Variants in CSMD1 observed in about 807,000 individuals in gnomAD.
CSMD1 encodes CUB and sushi domain-containing protein 1.
A neutral mutation model predicts 417.5 loss-of-function variants in CSMD1; 213 were observed. That is an observed-to-expected ratio of 0.51 (90% CI 0.46 to 0.57). CSMD1 has a LOEUF of 0.57. Ranked by LOEUF, CSMD1 falls within the 20% of genes least tolerant of loss-of-function variation. The pLI, the probability that CSMD1 is intolerant of heterozygous loss-of-function variation, is 0.00. For missense variants in CSMD1, 6,923 were observed against 4,529.7 expected, an observed-to-expected ratio of 1.53 and a Z score of -15.17; for synonymous variants, 2,862 against 1,736.8, an observed-to-expected ratio of 1.65 and a Z score of -16.11.
rs142584549 is a variant in CSMD1 at position 3,619,333 on chromosome 8, G to A, written c.1010-2536C>T. On this transcript the variant is annotated intron_variant, in intron 7 of 69. Transcript: ENST00000635120. Reference sequence around the variant, plus strand: ...CACTAATTAGTGAACATTTTCTACCGTGTTCTGCAAACATGGAGCACGGTA... The same window carrying A: ...CACTAATTAGTGAACATTTTCTACCATGTTCTGCAAACATGGAGCACGGTA... Among the ~76,000 whole-genome samples the A allele has an allele frequency of 5.7e-3, 872 of 152,046 alleles. 9 individuals carry two copies. The highest frequency in any genetic ancestry group is 0.048 in the Middle Eastern group (14 of 292).
At position 2,937,562 on chromosome 8, in the gene CSMD1, T is replaced by C. The variant is rs1228387746; in HGVS notation, c.*1023A>G. 6.6e-6 allele frequency: 1 copy of C among 152,068 alleles called. No homozygotes were observed. The highest frequency in any genetic ancestry group is 1.5e-5 in the Non-Finnish European group (1 of 68,026). 9.4% of individuals were successfully genotyped at this position (152,068 alleles called of 1,614,324 possible). ...CACAGTTTTACATGGCAAACAGAAA[T>C]TTCTGCAAACCCCCTGCTATTAAGT... On this transcript the variant is annotated 3_prime_UTR_variant, in exon 70 of 70. Coordinates refer to ENST00000635120, the MANE Select transcript of CSMD1 (RefSeq NM_033225.6).
rs563284620 is a variant in CSMD1, at chr8:4,481,844, C to A, written c.303-61779G>T. Among the ~76,000 whole-genome samples the A allele has an allele frequency of 2.6e-5, 4 of 152,266 alleles. No individual in the cohort carries two copies. In the East Asian group the frequency reaches 5.8e-4, roughly 22 times the overall value. On this transcript the variant is annotated intron_variant, in intron 2 of 69. Coordinates refer to ENST00000635120, the MANE Select transcript of CSMD1 (RefSeq NM_033225.6). Reference sequence around the variant, plus strand: ...ATAATCCCAGGAGGTAGGTACTCCACCTACTTCTATTTTAGAAGTCAGGAA... The same window carrying A: ...ATAATCCCAGGAGGTAGGTACTCCAACTACTTCTATTTTAGAAGTCAGGAA...
chr8:3,327,327 G>T lies in CSMD1; in HGVS notation c.3631+15967C>A, dbSNP rs569154396. On this transcript the variant is annotated intron_variant, in intron 23 of 69. Coordinates refer to ENST00000635120, the MANE Select transcript of CSMD1 (RefSeq NM_033225.6). ...CTGGCTAATTTTTTGTAGAGATGGG[G>T]TTTCACCATGTTAACCAGGATGGTC... 1.8e-3 allele frequency among the ~76,000 whole-genome samples: 274 copies of T among 152,058 alleles called. 1 individual carries two copies. Among genetic ancestry groups the T allele is most frequent in the Non-Finnish European group, 2.9e-3 (198 of 68,008 alleles).
At chr8:3,133,094 C>T (rs142757765) in intron 41 of CSMD1, among the ~76,000 whole-genome samples, 55 of 152,344 alleles carry the variant, frequency 3.6e-4, no homozygotes, top group African/African-American at 1.3e-3. Context: ...AGCCTGCATC[C>T]TTCCCCAGGC....
At chr8:3,806,786 C>G (rs1239556414) in intron 5 of CSMD1, among the ~76,000 whole-genome samples, 1 of 152,138 alleles carries the variant, frequency 6.6e-6, no homozygotes, top group Non-Finnish European at 1.5e-5. Context: ...GTTTTAGCTA[C>G]TAAATACTAG....
At chr8:3,420,843 G>A (rs188681390) in intron 12 of CSMD1, among the ~76,000 whole-genome samples, 21 of 152,042 alleles carry the variant, frequency 1.4e-4, no homozygotes, top group Admixed American at 7.2e-4. Context: ...ACTTGTTCAC[G>A]CTCCAATATA....
rs2130339429 is a variant in CSMD1 at position 3,997,899 on chromosome 8, T to C, written c.818+4A>G. 1 of 1,610,592 alleles carries C rather than the reference T, an allele frequency of 6.2e-7. No individual in the cohort carries two copies. Among genetic ancestry groups the C allele is most frequent in the East Asian group, 2.2e-5 (1 of 44,786 alleles). Reference sequence around the variant, plus strand: ...CCTTTGTGGCATCTCTTCCCGGGACTTACCATATGGATGGAGCTTCCGTGC... The same window carrying C: ...CCTTTGTGGCATCTCTTCCCGGGACCTACCATATGGATGGAGCTTCCGTGC... On this transcript the variant is annotated splice_donor_region_variant and intron_variant, in intron 5 of 69. Coordinates refer to ENST00000635120, the MANE Select transcript of CSMD1 (RefSeq NM_033225.6).
chr8:3,780,179 T>C (rs1799101457), intron 5 of CSMD1, among the ~76,000 whole-genome samples: 1 of 152,152 alleles, frequency 6.6e-6, no homozygotes, highest in African/African-American at 2.4e-5. Flanking sequence ...ATATGACAGG[T>C]TAAAAGTTAA....
intron 5 of CSMD1, among the ~76,000 whole-genome samples, chr8:3,996,818 A>G (rs545410603): frequency 1.3e-5 from 2 of 152,372 alleles, no homozygotes; most frequent in African/African-American, 2.4e-5. Flanking sequence ...CTCCATGAAT[A>G]GGAATCATCA....
chr8:3,769,308 T>A (rs545155204), intron 5 of CSMD1, among the ~76,000 whole-genome samples: 1 of 152,170 alleles, frequency 6.6e-6, no homozygotes, highest in South Asian at 2.1e-4. Flanking sequence ...TTAGTTAAAA[T>A]CATTTTGAGA....
chr8:4,426,287 T>G (rs1003450270), intron 2 of CSMD1, among the ~76,000 whole-genome samples: 14 of 151,644 alleles, frequency 9.2e-5, no homozygotes, highest in Admixed American at 4.0e-4. Flanking sequence ...GTTCTAGAAT[T>G]CATCCAAAAT....
intron 3 of CSMD1, among the ~76,000 whole-genome samples, chr8:4,315,134 A>C (rs1798847943): frequency 6.6e-6 from 1 of 152,176 alleles, no homozygotes. Context: ...AGCACCACTC[A>C]TTCTCTGCCC....
Position 4,360,787 on chromosome 8 carries a change from C to G in CSMD1, c.415+59166G>C, listed in dbSNP as rs181541375. Among the ~76,000 whole-genome samples the G allele has an allele frequency of 2.9e-3, 441 of 151,766 alleles. 2 individuals carry two copies. The highest frequency in any genetic ancestry group is 0.01 in the African/African-American group (424 of 41,492). ...GGGACTACAGGTGTGAGCCACTGCA[C>G]CCGGCCCCTCGGGGTTCGTAATCTC... On this transcript the variant is annotated intron_variant, in intron 3 of 69. Transcript: ENST00000635120.
intron 1 of CSMD1, among the ~76,000 whole-genome samples, chr8:4,651,035 C>G (rs886133458): frequency 6.6e-6 from 1 of 152,118 alleles, no homozygotes; most frequent in African/African-American, 2.4e-5. Context: ...ATTCACTGAT[C>G]AAAGCAGTAC....
intron 26 of CSMD1, among the ~76,000 whole-genome samples, chr8:3,244,685 C>A (rs17391551): frequency 1.3e-5 from 2 of 152,092 alleles, no homozygotes. Flanking sequence ...AATCTGAGCC[C>A]TTTATCACCC....
chr8:4,345,345 CA>C (rs1800720519), intron 3 of CSMD1, among the ~76,000 whole-genome samples: 1 of 151,988 alleles, frequency 6.6e-6, no homozygotes, highest in Non-Finnish European at 1.5e-5. Flanking sequence ...GCTTGGTTTC[CA>C]ATTTTGTTAT....
chr8:4,788,064 G>T, intron 1 of CSMD1: 3 of 1,596,486 alleles, frequency 1.9e-6, no homozygotes, highest in South Asian at 2.2e-5. Context: ...CTTTGAGTGG[G>T]TTGCAGAGAA....
chr8:3,702,156 T>TA (rs1393706568), intron 7 of CSMD1: 1 of 152,154 alleles, frequency 6.6e-6, no homozygotes, highest in African/African-American at 2.4e-5. Context: ...TTTCCACATT[T>TA]AAAAAATCAT....
chr8:4,271,179 T>A (rs1804569360), intron 3 of CSMD1, among the ~76,000 whole-genome samples: 1 of 152,156 alleles, frequency 6.6e-6, no homozygotes, highest in South Asian at 2.1e-4. Flanking sequence ...TACATATGTT[T>A]TCATTTATGG....
Sources: allele counts gnomAD v4.1 joint callset (sites outside exome capture counted in the v4.1 genomes callset), GRCh38; gene constraint gnomAD v4.1.1; transcripts MANE v1.5; gene names NCBI Gene and HGNC (gene_info 2026-07-23, HGNC 2026-07-21).